The following PPP1R12A variants were observed in gnomAD, a reference collection of about 807,000 sequenced individuals.
PPP1R12A encodes the protein myosin binding subunit.
Under a neutral mutation model 139.6 loss-of-function variants are expected in PPP1R12A, and 19 were observed. The observed-to-expected ratio is 0.14, with a 90% CI of 0.09 to 0.20. The LOEUF (loss-of-function observed/expected upper bound fraction) is 0.20, where lower values mean the gene tolerates loss of function less well. Ranked by LOEUF, PPP1R12A falls within the 10% of genes least tolerant of loss-of-function variation. The pLI is 1.00. For synonymous variants in PPP1R12A, 427 were observed against 420.6 expected (o/e 1.02, Z -0.19); for missense variants, 925 against 1,211.5 (o/e 0.76, Z 3.51).
At chr12:79,915,314 G>C (rs1051627676) in intron 1 of PPP1R12A, among the ~76,000 whole-genome samples, 3 of 152,036 alleles carry the variant, frequency 2.0e-5, no homozygotes, top group Admixed American at 2.0e-4. Context: ...ACACAGGTTT[G>C]TTTTTCTCTG....
Position 79,820,746 on chromosome 12 carries a change from C to T in PPP1R12A, c.1114+28G>A, listed in dbSNP as rs769362561. Reference sequence around the variant, plus strand: ...TATTTTACACTGCCACAAAATTCAACGAAAATGCATTTATCTTTTAATTTT... The same window carrying T: ...TATTTTACACTGCCACAAAATTCAATGAAAATGCATTTATCTTTTAATTTT... On this transcript the variant is annotated intron_variant, in intron 8 of 24. Transcript: ENST00000450142. 11 of 1,600,050 alleles carry T rather than the reference C, an allele frequency of 6.9e-6. No homozygotes were observed. The Admixed American group carries it at 8.7e-5, about 13-fold the overall frequency.
chr12:79,805,011 A>G (rs1873650692), intron 14 of PPP1R12A, among the ~76,000 whole-genome samples: 1 of 152,256 alleles, frequency 6.6e-6, no homozygotes, highest in Non-Finnish European at 1.5e-5. Flanking sequence ...TTAAGCACAC[A>G]AAATAAATTC....
chr12:79,816,148 A>G (rs1308593986), intron 9 of PPP1R12A, among the ~76,000 whole-genome samples: 1 of 152,178 alleles, frequency 6.6e-6, no homozygotes, highest in African/African-American at 2.4e-5. Context: ...GAGCAACAAA[A>G]TAAGAAGTTC....
chr12:79,832,509 GTTCT>G lies in PPP1R12A; in HGVS notation c.488-22_488-19del. 2 of 1,555,242 alleles carry G rather than the reference GTTCT, an allele frequency of 1.3e-6. No homozygotes were observed. Among genetic ancestry groups the G allele is most frequent in the Non-Finnish European group, 8.7e-7 (1 of 1,151,332 alleles). On this transcript the variant is annotated intron_variant, in intron 3 of 24. Transcript: ENST00000450142. ...ATCAACCCCTGATAAAATAAAAATA[GTTCT>G]TTTTATTTTTGCTTAAAAATTGTTC... is the stretch of plus-strand genomic sequence containing the variant.
intron 2 of PPP1R12A, among the ~76,000 whole-genome samples, chr12:79,850,445 C>T (rs932952380): frequency 6.6e-6 from 1 of 151,904 alleles, no homozygotes; most frequent in Admixed American, 6.6e-5. Context: ...ACCACAGAAG[C>T]AAATATTTAA....
intron 9 of PPP1R12A, among the ~76,000 whole-genome samples, chr12:79,812,026 T>G (rs149589129): frequency 6.6e-6 from 1 of 152,342 alleles, no homozygotes; most frequent in East Asian, 1.9e-4. Context: ...CTCAGCTAAG[T>G]GCTTCACATG....
chr12:79,890,598 G>C (rs1380272875), intron 1 of PPP1R12A, among the ~76,000 whole-genome samples: 3 of 152,036 alleles, frequency 2.0e-5, no homozygotes, highest in Non-Finnish European at 2.9e-5. Context: ...TTTAACAAAA[G>C]TATATCAAAG....
intron 19 of PPP1R12A, among the ~76,000 whole-genome samples, chr12:79,793,640 A>G (rs1012768917): frequency 3.3e-5 from 5 of 152,194 alleles, no homozygotes; most frequent in African/African-American, 9.6e-5. Flanking sequence ...AACCACTGCT[A>G]GGATCAAGAC....
chr12:79,887,266 A>G (rs1239673324), intron 1 of PPP1R12A, among the ~76,000 whole-genome samples: 7 of 152,164 alleles, frequency 4.6e-5, no homozygotes, highest in African/African-American at 1.7e-4. Context: ...AGTACTGTGT[A>G]AGACATGCTG....
At chr12:79,927,426 T>C (rs1887928844) in intron 1 of PPP1R12A, among the ~76,000 whole-genome samples, 1 of 152,204 alleles carries the variant, frequency 6.6e-6, no homozygotes, top group Admixed American at 6.5e-5. Flanking sequence ...GATACAGTAC[T>C]ACTGCACTTC....
At chr12:79,929,570 A>G (rs1888096857) in intron 1 of PPP1R12A, among the ~76,000 whole-genome samples, 1 of 152,098 alleles carries the variant, frequency 6.6e-6, no homozygotes, top group Non-Finnish European at 1.5e-5. Flanking sequence ...GTTCGAAATG[A>G]GCCTGGCCAA....
chr12:79,912,898 C>A (rs1010597473), intron 1 of PPP1R12A, among the ~76,000 whole-genome samples: 3 of 152,100 alleles, frequency 2.0e-5, no homozygotes, highest in African/African-American at 7.2e-5. Context: ...TGCATAAGTA[C>A]AACCAAGCAA....
intron 22 of PPP1R12A, among the ~76,000 whole-genome samples, chr12:79,785,854 A>T (rs942903157): frequency 4.6e-5 from 7 of 152,142 alleles, no homozygotes; most frequent in Non-Finnish European, 1.0e-4. Context: ...CAATTGCTAG[A>T]TCATATGTAC....
At chr12:79,864,924 T>C (rs376544174) in intron 2 of PPP1R12A, among the ~76,000 whole-genome samples, 20 of 152,304 alleles carry the variant, frequency 1.3e-4, no homozygotes, top group African/African-American at 4.8e-4. Flanking sequence ...TCTGAAACTA[T>C]TCTGATCAAC....
At position 79,845,511 on chromosome 12, in the gene PPP1R12A, A is replaced by T. The variant is rs148868338; in HGVS notation, c.369-91T>A. ...ACCAATGAGGAAAGTTCCTATATAAAGCAGCAATAAAGGGCAGTATATACA... is the reference window on the plus strand; with the variant it reads ...ACCAATGAGGAAAGTTCCTATATAATGCAGCAATAAAGGGCAGTATATACA... On this transcript the variant is annotated intron_variant, in intron 2 of 24. Coordinates refer to ENST00000450142, the MANE Select transcript of PPP1R12A (RefSeq NM_002480.3). 1,686 of 944,482 alleles carry T rather than the reference A, an allele frequency of 1.8e-3. 18 individuals carry two copies. In the African/African-American group the frequency reaches 0.026, roughly 15 times the overall value. 58.5% of individuals were successfully genotyped at this position (944,482 alleles called of 1,614,324 possible).
intron 2 of PPP1R12A, among the ~76,000 whole-genome samples, chr12:79,860,626 C>CT (rs1182572810): frequency 2.0e-5 from 3 of 152,172 alleles, no homozygotes; most frequent in African/African-American, 7.2e-5. Flanking sequence ...GTTTTTTAAA[C>CT]TTTTTTTATA....
chr12:79,803,233 A>C (rs900878457), intron 14 of PPP1R12A, among the ~76,000 whole-genome samples: 2 of 152,224 alleles, frequency 1.3e-5, no homozygotes, highest in Admixed American at 1.3e-4. Flanking sequence ...CCTAATATTC[A>C]GTTCCTTTCT....
intron 15 of PPP1R12A, 111 bp from the exon 16 acceptor site, chr12:79,797,506 T>C (rs971860202): frequency 9.4e-7 from 1 of 1,059,826 alleles, no homozygotes; most frequent in Non-Finnish European, 1.3e-6. Context: ...CAAATATGCA[T>C]GTTTAAAATT....
chr12:79,898,277 CTG>C (rs1885312002), intron 1 of PPP1R12A, among the ~76,000 whole-genome samples: 1 of 152,280 alleles, frequency 6.6e-6, no homozygotes, highest in African/African-American at 2.4e-5. Context: ...TGGTGAAACC[CTG>C]TCTCTACTAA....
Sources: gnomAD v4.1 joint callset for allele counts (sites outside exome capture counted in the v4.1 genomes callset) on GRCh38, gnomAD v4.1.1 for gene constraint, MANE v1.5 for transcripts, NCBI Gene and HGNC (gene_info 2026-07-23, HGNC 2026-07-21) for gene names.